The following SKAP2 variants were observed in gnomAD, a reference collection of about 807,000 sequenced individuals.
SKAP2 encodes src kinase associated phosphoprotein 2.
SKAP2 carries 28 observed loss-of-function variants against 54.9 expected under a neutral mutation model. The ratio of observed to expected loss-of-function variants is 0.51; its 90% CI spans 0.38 to 0.70. SKAP2 has a LOEUF of 0.70. Among genes scored for constraint, SKAP2 ranks in the 30% least tolerant of loss-of-function variants. SKAP2 has a pLI of 0.00. For synonymous variants in SKAP2, 137 were observed against 134.3 expected, an observed-to-expected ratio of 1.02 and a Z score of -0.14; for missense variants, 356 against 424.1, an observed-to-expected ratio of 0.84 and a Z score of 1.41.
In SKAP2 at chr7:26,668,680, T is replaced by TA. The variant is rs1294256272; in HGVS notation, c.*985_*986insT. The TA allele has an allele frequency of 5.3e-5, 8 of 151,208 alleles. No homozygotes were observed. The highest frequency in any genetic ancestry group is 2.0e-4 in the African/African-American group (8 of 40,962). 9.4% of individuals were successfully genotyped at this position (151,208 alleles called of 1,614,324 possible). A position where few individuals can be genotyped will look rare whatever the true frequency, so the allele number is the denominator to read the frequency against. On this transcript the variant is annotated 3_prime_UTR_variant, in exon 13 of 13. Transcript: ENST00000345317. ...AGATTCTGTTTTTTTTTTTTTTTTT[T>TA]TCTGAGATGGAGTCTCACTCTGTCG...
rs978969042 is a variant in SKAP2, at chr7:26,813,093, T to C, written c.307+30937A>G. ...AGTTCTTAAATGTGACAAAGCTATA[T>C]AGATGTTCTACTAACTTCAATTTTT... On this transcript the variant is annotated intron_variant, in intron 4 of 12. Coordinates refer to ENST00000345317, the MANE Select transcript of SKAP2 (RefSeq NM_003930.5). Among the ~76,000 whole-genome samples, 6 of 152,216 alleles carry C rather than the reference T, an allele frequency of 3.9e-5. No homozygotes were observed. In the East Asian group the frequency reaches 5.8e-4, roughly 15 times the overall value.
At chr7:26,691,365 A>G (rs968588597) in intron 9 of SKAP2, among the ~76,000 whole-genome samples, 1 of 152,246 alleles carries the variant, frequency 6.6e-6, no homozygotes, top group African/African-American at 2.4e-5. Context: ...AGAAATACTT[A>G]AGGCAGGACA....
intron 3 of SKAP2, 25 bp from the exon 4 acceptor site, chr7:26,844,162 G>T (rs1784876891): frequency 8.0e-7 from 1 of 1,249,790 alleles, no homozygotes; most frequent in Non-Finnish European, 1.2e-6. Flanking sequence ...AAAAATCAGA[G>T]AACTGCCTTT....
intron 4 of SKAP2, among the ~76,000 whole-genome samples, chr7:26,810,937 C>T (rs1191775672): frequency 2.0e-5 from 3 of 152,164 alleles, no homozygotes; most frequent in African/African-American, 4.8e-5. Flanking sequence ...ACCTCGGCCT[C>T]CCAAAGTGCT....
At chr7:26,826,019 A>G (rs551133921) in intron 4 of SKAP2, among the ~76,000 whole-genome samples, 1 of 151,890 alleles carries the variant, frequency 6.6e-6, no homozygotes, top group South Asian at 2.1e-4. Context: ...GGAGAATGGT[A>G]CCTCCCCAAA....
At chr7:26,784,834 A>AG (rs1461017329) in intron 4 of SKAP2, among the ~76,000 whole-genome samples, 1 of 152,186 alleles carries the variant, frequency 6.6e-6, no homozygotes, top group Non-Finnish European at 1.5e-5. Flanking sequence ...CTAAATGTGT[A>AG]GGGGGAAGTA....
chr7:26,670,037 G>A, intron 12 of SKAP2, 54 bp downstream of exon 12: 1 of 736,072 alleles, frequency 1.4e-6, no homozygotes, highest in South Asian at 1.7e-5. Flanking sequence ...TCATAACGAA[G>A]AGACCAAGAG....
At chr7:26,724,250 C>A (rs535965340) in intron 9 of SKAP2, among the ~76,000 whole-genome samples, 7 of 152,050 alleles carry the variant, frequency 4.6e-5, no homozygotes, top group Non-Finnish European at 1.5e-5. Context: ...CAAGAATTCA[C>A]CAGATACAAT....
chr7:26,841,831 T>C (rs879495162), intron 4 of SKAP2, among the ~76,000 whole-genome samples: 7 of 152,066 alleles, frequency 4.6e-5, no homozygotes, highest in Non-Finnish European at 1.0e-4. Context: ...ACTTTCTTAG[T>C]GCCTTCCATA....
chr7:26,818,876 C>T (rs1784326425), intron 4 of SKAP2, among the ~76,000 whole-genome samples: 1 of 152,136 alleles, frequency 6.6e-6, no homozygotes, highest in African/African-American at 2.4e-5. Flanking sequence ...GATGAGATAC[C>T]ATTTCATGCC....
the SKAP2 span, among the ~76,000 whole-genome samples, chr7:26,655,746 G>A: frequency 1.6e-4 from 24 of 152,174 alleles, no homozygotes; most frequent in East Asian, 7.7e-4. Context: ...GCAATAAAAC[G>A]TAGAGCATGG....
intron 11 of SKAP2, among the ~76,000 whole-genome samples, chr7:26,674,024 C>T (rs529024276): frequency 9.2e-5 from 14 of 152,040 alleles, no homozygotes; most frequent in Non-Finnish European, 8.8e-5. Context: ...TATGTTAATC[C>T]GCTTTCTGCG....
chr7:26,817,199 T>A (rs1784283606), intron 4 of SKAP2, among the ~76,000 whole-genome samples: 1 of 152,120 alleles, frequency 6.6e-6, no homozygotes, highest in Non-Finnish European at 1.5e-5. Context: ...CAGCAATGTG[T>A]TTATAGTCTC....
intron 4 of SKAP2, among the ~76,000 whole-genome samples, chr7:26,800,131 TAAATA>T (rs1384540466): frequency 1.3e-5 from 2 of 151,584 alleles, no homozygotes; most frequent in Non-Finnish European, 2.9e-5. Context: ...CTCAAAAAAA[TAAATA>T]AAATAAAATA....
At chr7:26,763,979 G>T (rs1412661750) in intron 4 of SKAP2, among the ~76,000 whole-genome samples, 2 of 152,128 alleles carry the variant, frequency 1.3e-5, no homozygotes, top group South Asian at 2.1e-4. Flanking sequence ...TTGACTGAAA[G>T]GTTGTTAGGC....
At chr7:26,791,009 T>C (rs1161020930) in intron 4 of SKAP2, among the ~76,000 whole-genome samples, 4 of 152,028 alleles carry the variant, frequency 2.6e-5, no homozygotes, top group Non-Finnish European at 5.9e-5. Flanking sequence ...ATGGTATAAC[T>C]CTTGAACATC....
intron 9 of SKAP2, among the ~76,000 whole-genome samples, chr7:26,700,015 G>A (rs891850682): frequency 6.6e-6 from 1 of 152,086 alleles, no homozygotes. Context: ...GATTTTTGGA[G>A]CAAGTGGAAT....
intron 6 of SKAP2, among the ~76,000 whole-genome samples, chr7:26,734,608 G>A (rs1267965243): frequency 6.6e-6 from 1 of 152,112 alleles, no homozygotes; most frequent in Non-Finnish European, 1.5e-5. Flanking sequence ...ACAGTTCTGG[G>A]AGCTGGGAAG....
chr7:26,740,213 T>C (rs1584361606), intron 4 of SKAP2, among the ~76,000 whole-genome samples: 1 of 144,710 alleles, frequency 6.9e-6, no homozygotes. Flanking sequence ...CCTCCCAAAA[T>C]ACAGGACTGA....
Sources: allele counts gnomAD v4.1 joint callset (sites outside exome capture counted in the v4.1 genomes callset), GRCh38; gene constraint gnomAD v4.1.1; transcripts MANE v1.5; gene names NCBI Gene and HGNC (gene_info 2026-07-23, HGNC 2026-07-21).